Variants in PCDHGB4 observed in about 807,000 individuals in gnomAD.
The protein encoded by PCDHGB4 is protocadherin gamma-B4.
A neutral mutation model predicts 60.5 loss-of-function variants in PCDHGB4; 38 were observed. That is an observed-to-expected ratio of 0.63 (90% CI 0.48 to 0.82). The LOEUF is 0.82. Ranked by LOEUF, PCDHGB4 falls within the 40% of genes least tolerant of loss-of-function variation. PCDHGB4 has a pLI of 0.00. For synonymous variants in PCDHGB4, 456 were observed against 509.7 expected, an observed-to-expected ratio of 0.89 and a Z score of 1.42; for missense variants, 1,109 against 1,209.6, an observed-to-expected ratio of 0.92 and a Z score of 1.23.
Position 141,486,000 on chromosome 5 carries a change from A to G in PCDHGB4, c.2398-8807A>G. 1 of 1,614,194 alleles carries G rather than the reference A, an allele frequency of 6.2e-7. No individual in the cohort carries two copies. Among genetic ancestry groups the G allele is most frequent in the Non-Finnish European group, 8.5e-7 (1 of 1,180,034 alleles). On this transcript the variant is annotated intron_variant, in intron 1 of 3. Transcript: ENST00000519479. The surrounding 1 kb of genome is among the most constrained non-coding windows in gnomAD (Gnocchi z 5.7). ...GACCCGGACCTGGGTCCCAGTGGTA[A>G]CGTCACCTTTTATTTCAGTGGTCAT...
chr5:141,419,209 G>A (rs541061354), intron 1 of PCDHGB4: 11 of 1,613,900 alleles, frequency 6.8e-6, no homozygotes, highest in South Asian at 5.5e-5. Context: ...ACAACGCGCC[G>A]GTTTTCGGAC....
Position 141,388,997 on chromosome 5 carries a change from C to G in PCDHGB4, c.1113C>G (p.Asp371Glu). The change falls in exon 1 of 4, where the codon GAC (aspartate) becomes GAG (glutamate). Residue 371 changes from aspartate (D) to glutamate (E), a missense_variant. By Grantham distance (45) the Asp-to-Glu change is conservative. Transcript: ENST00000519479. Reference protein sequence around the residue: ...GTHIALLKVRDKDSRHNGEVT... With the variant: ...GTHIALLKVREKDSRHNGEVT... ...ATATTGCTTTGCTCAAAGTCCGTGA[C>G]AAGGATTCCAGACACAATGGAGAAG... The G allele has an allele frequency of 1.9e-6, 3 of 1,613,968 alleles. No individual in the cohort carries two copies. The highest frequency in any genetic ancestry group is 2.5e-6 in the Non-Finnish European group (3 of 1,179,880).
At chr5:141,423,744 A>G in intron 1 of PCDHGB4, 1 of 429,464 alleles carries the variant, frequency 2.3e-6, no homozygotes. Context: ...TGTTATGAAA[A>G]CTGTTTGGGG....
At chr5:141,398,511 C>A in intron 1 of PCDHGB4, 1 of 1,595,066 alleles carries the variant, frequency 6.3e-7, no homozygotes, top group Non-Finnish European at 8.5e-7. Flanking sequence ...ACATTAATGA[C>A]CACACGCCAA....
Position 141,487,568 on chromosome 5 carries a change from C to G in PCDHGB4, c.2398-7239C>G, listed in dbSNP as rs752378906. The G allele has an allele frequency of 1.9e-6, 3 of 1,614,180 alleles. No homozygotes were observed. Among genetic ancestry groups the G allele is most frequent in the Non-Finnish European group, 2.5e-6 (3 of 1,180,042 alleles). ...ACCCAGTGCACCTATGGCAGGGGAG[C>G]CTGTTCGCCCAAGCTGCCCACCCTC... On this transcript the variant is annotated intron_variant, in intron 1 of 3. Transcript: ENST00000519479. This position sits in a 1 kb window ranked among gnomAD's most constrained non-coding sequence, Gnocchi z 5.0.
intron 1 of PCDHGB4, chr5:141,479,772 G>A (rs904607838): frequency 1.3e-5 from 2 of 152,192 alleles, no homozygotes; most frequent in Non-Finnish European, 2.9e-5. Flanking sequence ...CATATCCTTA[G>A]ACAGGTAAAG....
Position 141,485,757 on chromosome 5 carries a change from T to A in PCDHGB4, c.2398-9050T>A. The A allele has an allele frequency of 6.2e-7, 1 of 1,614,174 alleles. No homozygotes were observed. The highest frequency in any genetic ancestry group is 8.5e-7 in the Non-Finnish European group (1 of 1,180,028). The stretch of plus-strand genomic sequence containing the variant: ...GACGGCAGCCTGGTCCCAGAGCTGC[T>A]CCTGGAGAAGCCTTTGGATCGAGAG... On this transcript the variant is annotated intron_variant, in intron 1 of 3. Transcript: ENST00000519479. The surrounding 1 kb of genome is among the most constrained non-coding windows in gnomAD (Gnocchi z 5.7).
chr5:141,491,072 C>T lies in PCDHGB4; in HGVS notation c.2398-3735C>T, dbSNP rs778221466. The T allele has an allele frequency of 6.2e-7, 1 of 1,614,204 alleles. No individual in the cohort carries two copies. Among genetic ancestry groups the T allele is most frequent in the South Asian group, 1.1e-5 (1 of 91,086 alleles). On this transcript the variant is annotated intron_variant, in intron 1 of 3. Coordinates refer to ENST00000519479, the MANE Select transcript of PCDHGB4 (RefSeq NM_003736.4). The surrounding 1 kb of genome is among the most constrained non-coding windows in gnomAD (Gnocchi z 6.9). ...GCGTGGCTCTCCTACTCACTGTTGCCACAGTCCACAGCCCCAGGACTGTTC... is the reference window on the plus strand; with the variant it reads ...GCGTGGCTCTCCTACTCACTGTTGCTACAGTCCACAGCCCCAGGACTGTTC...
rs148558897 is a variant in PCDHGB4, at chr5:141,489,890, G to A, written c.2398-4917G>A. On this transcript the variant is annotated intron_variant, in intron 1 of 3. Coordinates refer to ENST00000519479, the MANE Select transcript of PCDHGB4 (RefSeq NM_003736.4). The surrounding 1 kb of genome is among the most constrained non-coding windows in gnomAD (Gnocchi z 4.5). Reference sequence around the variant, plus strand: ...CAGCTGGTGCTTACTGCTGTGGATGGGGGGACCCCAGCCCGCTCAGGGACC... The same window carrying A: ...CAGCTGGTGCTTACTGCTGTGGATGAGGGGACCCCAGCCCGCTCAGGGACC... 6.2e-7 allele frequency: 1 copy of A among 1,614,198 alleles called. No homozygotes were observed. The highest frequency in any genetic ancestry group is 8.5e-7 in the Non-Finnish European group (1 of 1,180,028).
chr5:141,399,996 C>A (rs753801667), intron 1 of PCDHGB4: 5 of 1,612,402 alleles, frequency 3.1e-6, no homozygotes, highest in Non-Finnish European at 4.2e-6. Flanking sequence ...GAGAGGTGCG[C>A]ACAGCGCGTG....
chr5:141,421,069 A>T, intron 1 of PCDHGB4: 1 of 598,532 alleles, frequency 1.7e-6, no homozygotes, highest in Non-Finnish European at 2.8e-6. Context: ...AAGCGGAATG[A>T]GATGGATACT....
intron 1 of PCDHGB4, among the ~76,000 whole-genome samples, chr5:141,466,268 T>A (rs568525260): frequency 6.6e-6 from 1 of 152,150 alleles, no homozygotes; most frequent in Non-Finnish European, 1.5e-5. Context: ...CCTCGTGAGC[T>A]CAAGCAATCT....
At chr5:141,414,102 A>G in intron 1 of PCDHGB4, 1 of 1,593,854 alleles carries the variant, frequency 6.3e-7, no homozygotes, top group Non-Finnish European at 8.5e-7. Context: ...AAATATCAGA[A>G]AATCTAGATT....
intron 3 of PCDHGB4, among the ~76,000 whole-genome samples, chr5:141,508,930 T>A (rs2099873149): frequency 6.6e-6 from 1 of 151,836 alleles, no homozygotes; most frequent in African/African-American, 2.4e-5. Context: ...CTTTTGGAGT[T>A]AATTAGGGAA....
chr5:141,422,355 T>A, intron 1 of PCDHGB4: 1 of 1,557,416 alleles, frequency 6.4e-7, no homozygotes, highest in Non-Finnish European at 8.6e-7. Flanking sequence ...AAGATCAAGA[T>A]TCTGGAGAAA....
At position 141,511,241 on chromosome 5, in the gene PCDHGB4, C is replaced by G; in HGVS notation, c.*68C>G. ...CCAGCCCAGCTTCTCCTTACCTGCA[C>G]CCAGGCCTCAGAGTTTCAGGGCTAA... On this transcript the variant is annotated 3_prime_UTR_variant, in exon 4 of 4. Transcript: ENST00000519479. 1 of 1,585,214 alleles carries G rather than the reference C, an allele frequency of 6.3e-7. No individual in the cohort carries two copies. The highest frequency in any genetic ancestry group is 1.1e-5 in the South Asian group (1 of 87,760).
chr5:141,394,808 T>G lies in PCDHGB4; in HGVS notation c.2397+4527T>G, dbSNP rs534137630. The G allele has an allele frequency of 9.9e-6, 16 of 1,613,872 alleles. No individual in the cohort carries two copies. The East Asian group carries it at 3.6e-4, about 36-fold the overall frequency. On this transcript the variant is annotated intron_variant, in intron 1 of 3. Coordinates refer to ENST00000519479, the MANE Select transcript of PCDHGB4 (RefSeq NM_003736.4). ...CTGTCACGCTCACCGTAGCCGTGGC[T>G]GACAGCATCCCCGAAGTCCTGACCG...
At chr5:141,430,217 T>C (rs1055487905) in intron 1 of PCDHGB4, among the ~76,000 whole-genome samples, 1 of 150,102 alleles carries the variant, frequency 6.7e-6, no homozygotes, top group Non-Finnish European at 1.5e-5. Context: ...TATTATATTA[T>C]ATGATTTGTC....
chr5:141,478,920 C>T lies in PCDHGB4; in HGVS notation c.2398-15887C>T, dbSNP rs559060283. On this transcript the variant is annotated intron_variant, in intron 1 of 3. Transcript: ENST00000519479. Reference sequence around the variant, plus strand: ...GGAATAAGCTGCTGGATACCTCTAACCAGTGGCAGCTTCTAGGAATACAAA... The same window carrying T: ...GGAATAAGCTGCTGGATACCTCTAATCAGTGGCAGCTTCTAGGAATACAAA... 608 of 728,392 alleles carry T rather than the reference C, an allele frequency of 8.3e-4. 2 individuals are homozygous for T. The highest frequency in any genetic ancestry group is 1.2e-3 in the South Asian group (55 of 44,196). 45.1% of individuals were successfully genotyped at this position (728,392 alleles called of 1,614,324 possible).
Sources: gnomAD v4.1 joint callset for allele counts (sites outside exome capture counted in the v4.1 genomes callset) on GRCh38, gnomAD v4.1.1 for gene constraint, Gnocchi (gnomAD v3.1) non-coding constraint, MANE v1.5 for transcripts, NCBI Gene and HGNC (gene_info 2026-07-23, HGNC 2026-07-21) for gene names.